The following PTPRR variants were observed in gnomAD, a reference collection of about 807,000 sequenced individuals.
PTPRR encodes the protein receptor-type tyrosine-protein phosphatase R.
In PTPRR, 38 loss-of-function variants were observed where a neutral mutation model predicts 77.2. The observed-to-expected ratio is 0.49, with a 90% CI of 0.38 to 0.65. The LOEUF is 0.65. Ranked by LOEUF, PTPRR falls within the 30% of genes least tolerant of loss-of-function variation. The pLI, the probability that PTPRR is intolerant of heterozygous loss-of-function variation, is 0.00. For synonymous variants in PTPRR, 299 were observed against 283.1 expected (o/e 1.06, Z -0.57); for missense variants, 744 against 799.2 (o/e 0.93, Z 0.83).
intron 1 of PTPRR, among the ~76,000 whole-genome samples, chr12:70,893,709 G>A (rs2137118333): frequency 6.6e-6 from 1 of 152,002 alleles, no homozygotes; most frequent in Admixed American, 6.6e-5. Context: ...GAAATGCAGA[G>A]AGTCTGGTAG....
At chr12:70,901,401 A>G (rs1417844871) in intron 1 of PTPRR, among the ~76,000 whole-genome samples, 2 of 151,720 alleles carry the variant, frequency 1.3e-5, no homozygotes, top group Non-Finnish European at 3.0e-5. Context: ...GTACTGCTAT[A>G]AAAATAGGCA....
chr12:70,742,960 T>A (rs746226278), intron 6 of PTPRR, among the ~76,000 whole-genome samples: 3 of 152,178 alleles, frequency 2.0e-5, no homozygotes, highest in Non-Finnish European at 4.4e-5. Context: ...AAGTTGGTAG[T>A]GTTTAAGAAA....
chr12:70,681,343 T>C (rs1045753213), intron 10 of PTPRR, among the ~76,000 whole-genome samples: 15 of 152,204 alleles, frequency 9.9e-5, no homozygotes, highest in Admixed American at 6.6e-4. Flanking sequence ...GCTCCTTCTC[T>C]GGGGCATTGC....
At chr12:70,639,536 G>C (rs1289601433) in intron 13 of PTPRR, 1 of 1,184,510 alleles carries the variant, frequency 8.4e-7, no homozygotes, top group African/African-American at 1.6e-5. Flanking sequence ...ACATTACTGG[G>C]GAGGTGGTAC....
chr12:70,728,281 C>T (rs527933809), intron 6 of PTPRR, among the ~76,000 whole-genome samples: 46 of 135,576 alleles, frequency 3.4e-4, no homozygotes, highest in African/African-American at 1.2e-3. Flanking sequence ...GAGAAGGGCC[C>T]AGGCCCCTTC....
At chr12:70,669,227 T>G (rs1887120545) in intron 10 of PTPRR, among the ~76,000 whole-genome samples, 1 of 152,104 alleles carries the variant, frequency 6.6e-6, no homozygotes, top group East Asian at 1.9e-4. Flanking sequence ...TATTTCTAAC[T>G]GCTTAATAGA....
intron 6 of PTPRR, among the ~76,000 whole-genome samples, chr12:70,704,422 A>AAAAT (rs925376013): frequency 1.4e-4 from 21 of 151,988 alleles, no homozygotes; most frequent in East Asian, 1.9e-4. Context: ...CCCCATGTCA[A>AAAAT]AAATAAATAA....
At chr12:70,793,688 G>A (rs1309523198) in intron 2 of PTPRR, among the ~76,000 whole-genome samples, 1 of 152,152 alleles carries the variant, frequency 6.6e-6, no homozygotes, top group Non-Finnish European at 1.5e-5. Flanking sequence ...TCAAACGAGG[G>A]TAATTTTGTG....
chr12:70,802,909 A>T (rs1891641931), intron 2 of PTPRR, among the ~76,000 whole-genome samples: 1 of 152,224 alleles, frequency 6.6e-6, no homozygotes. Context: ...TGTCAATGTG[A>T]ATGTAACTTT....
In PTPRR at chr12:70,674,166, C is replaced by T. The variant is rs531774895; in HGVS notation, c.1497+9961G>A. On this transcript the variant is annotated intron_variant, in intron 10 of 13. Coordinates refer to ENST00000283228, the MANE Select transcript of PTPRR (RefSeq NM_002849.4). ...TCTAGGCTGGTCTCAAACTCCTGGC[C>T]TCAAGCAATCTTCCTGACTCAGCCT... Among the ~76,000 whole-genome samples the T allele has an allele frequency of 2.6e-5, 4 of 152,226 alleles. No individual in the cohort carries two copies. The East Asian group carries it at 7.7e-4, about 29-fold the overall frequency.
At chr12:70,658,883 GTTT>G (rs746595856) in intron 12 of PTPRR, among the ~76,000 whole-genome samples, 694 of 36,832 alleles carry the variant, frequency 0.019, 1 homozygote, top group African/African-American at 0.069. Context: ...TTTTGCTCTA[GTTT>G]TTTTTTTTTT....
At chr12:70,651,393 C>T (rs1207042402) in intron 13 of PTPRR, among the ~76,000 whole-genome samples, 1 of 152,170 alleles carries the variant, frequency 6.6e-6, no homozygotes, top group Non-Finnish European at 1.5e-5. Context: ...TAAAAGAATC[C>T]ATCCAAGATT....
At chr12:70,772,924 G>T (rs1891010812) in intron 2 of PTPRR, among the ~76,000 whole-genome samples, 1 of 152,022 alleles carries the variant, frequency 6.6e-6, no homozygotes, top group African/African-American at 2.4e-5. Context: ...CATACTAGAG[G>T]CTGGAAGTCT....
intron 6 of PTPRR, among the ~76,000 whole-genome samples, chr12:70,731,902 AG>A (rs1210697359): frequency 2.6e-5 from 4 of 152,250 alleles, no homozygotes; most frequent in African/African-American, 9.6e-5. Flanking sequence ...TGATGGGGTC[AG>A]GGAACAAGAG....
chr12:70,704,944 A>T (rs545129930), intron 6 of PTPRR, among the ~76,000 whole-genome samples: 1 of 152,154 alleles, frequency 6.6e-6, no homozygotes, highest in East Asian at 1.9e-4. Context: ...ACAAAAGGGA[A>T]CATAATAAAA....
At chr12:70,896,063 C>A (rs776039506) in intron 1 of PTPRR, among the ~76,000 whole-genome samples, 1 of 151,540 alleles carries the variant, frequency 6.6e-6, no homozygotes, top group Non-Finnish European at 1.5e-5. Context: ...ATCATGAAAA[C>A]CTAATCAAAA....
chr12:70,833,715 G>A (rs765275860), intron 2 of PTPRR, among the ~76,000 whole-genome samples: 7 of 152,224 alleles, frequency 4.6e-5, no homozygotes, highest in Middle Eastern at 3.4e-3. Context: ...GCTGACAAGC[G>A]GGAAGCTCAC....
intron 2 of PTPRR, among the ~76,000 whole-genome samples, chr12:70,801,774 T>C (rs566789534): frequency 6.1e-5 from 9 of 148,592 alleles, no homozygotes; most frequent in Admixed American, 2.0e-4. Context: ...TAGCTATCTA[T>C]CTCCCTCCCT....
chr12:70,662,407 C>G, intron 11 of PTPRR, 88 bp downstream of exon 11: 1 of 670,454 alleles, frequency 1.5e-6, no homozygotes, highest in Non-Finnish European at 2.4e-6. Context: ...GCTTAAATTG[C>G]ATTTGTAGTA....
Sources: gnomAD v4.1 joint callset for allele counts (sites outside exome capture counted in the v4.1 genomes callset) on GRCh38, gnomAD v4.1.1 for gene constraint, MANE v1.5 for transcripts, NCBI Gene and HGNC (gene_info 2026-07-23, HGNC 2026-07-21) for gene names.